Variants in ELMO1 observed in about 807,000 individuals in gnomAD.
ELMO1 encodes the protein engulfment and cell motility 1.
Under a neutral mutation model 98.9 loss-of-function variants are expected in ELMO1, and 26 were observed. The ratio of observed to expected loss-of-function variants is 0.26; its 90% CI spans 0.19 to 0.36. The LOEUF (loss-of-function observed/expected upper bound fraction) is 0.36. Ranked by LOEUF, ELMO1 falls within the 10% of genes least tolerant of loss-of-function variation. The probability of loss-of-function intolerance (pLI) is 1.00; values close to 1 mark genes in which losing one functional copy is unlikely to be tolerated. For missense variants in ELMO1, 627 were observed against 935.2 expected, an observed-to-expected ratio of 0.67 and a Z score of 4.30; for synonymous variants, 346 against 346.0, an observed-to-expected ratio of 1.00 and a Z score of 0.00.
intron 1 of ELMO1, among the ~76,000 whole-genome samples, chr7:37,375,059 A>C (rs1327898906): frequency 1.3e-5 from 2 of 152,158 alleles, no homozygotes; most frequent in African/African-American, 4.8e-5. Flanking sequence ...AGTCTGTCAA[A>C]AAAAAGAAGA....
intron 1 of ELMO1, among the ~76,000 whole-genome samples, chr7:37,350,790 T>C (rs548022543): frequency 4.6e-5 from 7 of 152,302 alleles, no homozygotes; most frequent in African/African-American, 1.2e-4. Flanking sequence ...CGGGCCCTAA[T>C]ACAGCATGTT....
intron 4 of ELMO1, among the ~76,000 whole-genome samples, chr7:37,292,722 G>C (rs1156886981): frequency 1.1e-5 from 1 of 90,624 alleles, no homozygotes; most frequent in Non-Finnish European, 2.5e-5. Context: ...CAGCCGCCCC[G>C]TCCGGGAGGG....
rs1796626696 is a variant in ELMO1 at position 37,060,782 on chromosome 7, A to G, written c.1300+35837T>C. On this transcript the variant is annotated intron_variant, in intron 15 of 21. Transcript: ENST00000310758. The stretch of plus-strand genomic sequence containing the variant: ...TTTTTCAAAATTTCATTTATACTAT[A>G]AACTAAGTAAATAAATTAATTTGTC... 2.6e-5 allele frequency among the ~76,000 whole-genome samples: 4 copies of G among 152,196 alleles called. No homozygotes were observed. The South Asian group carries it at 8.3e-4, about 32-fold the overall frequency.
intron 14 of ELMO1, among the ~76,000 whole-genome samples, chr7:37,130,144 C>T (rs752409256): frequency 1.2e-4 from 19 of 152,178 alleles, no homozygotes; most frequent in Non-Finnish European, 1.5e-5. Flanking sequence ...CCAGCATACT[C>T]AATCAAGACA....
rs534677126 is a variant in ELMO1, at chr7:37,142,802, T to C, written c.1087-9568A>G. Reference sequence around the variant, plus strand: ...TATATGAGTTTCAAAAATAAATACGTAAGAAAGGAAATCTAGTGGGAAAAA... The same window carrying C: ...TATATGAGTTTCAAAAATAAATACGCAAGAAAGGAAATCTAGTGGGAAAAA... On this transcript the variant is annotated intron_variant, in intron 13 of 21. Coordinates refer to ENST00000310758, the MANE Select transcript of ELMO1 (RefSeq NM_014800.11). 2.0e-5 allele frequency among the ~76,000 whole-genome samples: 3 copies of C among 152,270 alleles called. 1 individual carries two copies. In the East Asian group the frequency reaches 5.8e-4, roughly 29 times the overall value.
At chr7:37,251,104 C>T (rs1795324683) in intron 6 of ELMO1, among the ~76,000 whole-genome samples, 1 of 152,186 alleles carries the variant, frequency 6.6e-6, no homozygotes, top group Admixed American at 6.5e-5. Flanking sequence ...TTTATTAAAA[C>T]CCAAAGAAGA....
intron 1 of ELMO1, among the ~76,000 whole-genome samples, chr7:37,352,141 A>G (rs1801299710): frequency 6.6e-6 from 1 of 152,236 alleles, no homozygotes; most frequent in South Asian, 2.1e-4. Context: ...TTACTAGCCT[A>G]TTTTATAAAC....
At chr7:37,054,721 GT>G (rs1796302335) in intron 15 of ELMO1, among the ~76,000 whole-genome samples, 1 of 150,050 alleles carries the variant, frequency 6.7e-6, no homozygotes, top group South Asian at 2.1e-4. Flanking sequence ...GAATCTTTGG[GT>G]TTCAAAAAAG....
At chr7:37,283,872 C>A (rs1012589707) in intron 4 of ELMO1, among the ~76,000 whole-genome samples, 2 of 152,210 alleles carry the variant, frequency 1.3e-5, no homozygotes, top group Admixed American at 6.5e-5. Context: ...GGTGGCCATG[C>A]CCTCTTTGAA....
At chr7:37,072,842 T>C (rs759279052) in intron 15 of ELMO1, among the ~76,000 whole-genome samples, 8 of 152,172 alleles carry the variant, frequency 5.3e-5, no homozygotes, top group Non-Finnish European at 1.2e-4. Flanking sequence ...GGACAATACA[T>C]ATGTCAAAAA....
intron 13 of ELMO1, among the ~76,000 whole-genome samples, chr7:37,166,854 C>T (rs955925657): frequency 6.6e-6 from 1 of 152,232 alleles, no homozygotes; most frequent in African/African-American, 2.4e-5. Context: ...TCTATTAGGT[C>T]TGCTTGGTGG....
chr7:37,133,061 G>A lies in ELMO1; in HGVS notation c.1191+69C>T, dbSNP rs567619654. ...TCACTCATCTAAAGGTAATCCCTCC[G>A]TATTTGTGAGTTTGAAATTAACATT... On this transcript the variant is annotated intron_variant, in intron 14 of 21. Coordinates refer to ENST00000310758, the MANE Select transcript of ELMO1 (RefSeq NM_014800.11). The A allele has an allele frequency of 4.6e-5, 56 of 1,222,508 alleles. 1 individual carries two copies. The highest frequency in any genetic ancestry group is 4.0e-4 in the Middle Eastern group (2 of 5,038). 75.7% of individuals were successfully genotyped at this position (1,222,508 alleles called of 1,614,324 possible).
intron 1 of ELMO1, among the ~76,000 whole-genome samples, chr7:37,430,646 C>T (rs1039404154): frequency 6.6e-6 from 1 of 152,230 alleles, no homozygotes; most frequent in South Asian, 2.1e-4. Context: ...CCTTTCAACC[C>T]GCGATGGCCT....
chr7:36,914,744 C>T (rs990363987), intron 16 of ELMO1, among the ~76,000 whole-genome samples: 3 of 152,094 alleles, frequency 2.0e-5, no homozygotes, highest in Non-Finnish European at 4.4e-5. Context: ...GATCTTTTGA[C>T]CTCGTGATCT....
intron 5 of ELMO1, chr7:37,270,397 T>G (rs1796490773): frequency 6.6e-6 from 1 of 152,220 alleles, no homozygotes. Context: ...AATGTAATTT[T>G]CAACAATAAG....
At chr7:36,906,690 C>T (rs1783987011) in intron 16 of ELMO1, among the ~76,000 whole-genome samples, 1 of 151,902 alleles carries the variant, frequency 6.6e-6, no homozygotes, top group Admixed American at 6.6e-5. Flanking sequence ...ACTCAGGAGG[C>T]TGGGGTGGGA....
rs6968123 is a variant in ELMO1 at position 37,150,410 on chromosome 7, G to A, written c.1087-17176C>T. Among the ~76,000 whole-genome samples the A allele has an allele frequency of 4.4e-3, 658 of 148,244 alleles. 1 individual carries two copies. The highest frequency in any genetic ancestry group is 0.016 in the African/African-American group (629 of 40,432). On this transcript the variant is annotated intron_variant, in intron 13 of 21. Coordinates refer to ENST00000310758, the MANE Select transcript of ELMO1 (RefSeq NM_014800.11). The stretch of plus-strand genomic sequence containing the variant: ...AGTGTGTTGACATTTGAACCCAACC[G>A]TCCAGAGTCCACGTACTTAACTACT...
chr7:37,237,024 T>TA (rs1794503961), intron 7 of ELMO1, among the ~76,000 whole-genome samples: 2 of 152,212 alleles, frequency 1.3e-5, no homozygotes, highest in African/African-American at 4.8e-5. Flanking sequence ...ACTGTTAGGC[T>TA]AAAGATTGTG....
At chr7:36,965,223 T>C (rs1584446972) in intron 16 of ELMO1, among the ~76,000 whole-genome samples, 1 of 152,132 alleles carries the variant, frequency 6.6e-6, no homozygotes. Context: ...ATGGCTGGGG[T>C]GGCCTGGCTG....
Sources: allele counts gnomAD v4.1 joint callset (sites outside exome capture counted in the v4.1 genomes callset), GRCh38; gene constraint gnomAD v4.1.1; transcripts MANE v1.5; gene names NCBI Gene and HGNC (gene_info 2026-07-23, HGNC 2026-07-21).